CORO7: variants seen among roughly 807,000 people sequenced by gnomAD.
The protein encoded by CORO7 is coronin-7.
A neutral mutation model predicts 126.6 loss-of-function variants in CORO7; 107 were observed. The observed-to-expected ratio is 0.85, with a 90% CI of 0.72 to 0.99. The LOEUF is 0.99. CORO7 is among the 50% of genes least tolerant of loss of function. The pLI, the probability that CORO7 is intolerant of heterozygous loss-of-function variation, is 0.00. For synonymous variants in CORO7, 603 were observed against 536.8 expected (o/e 1.12, Z -1.70); for missense variants, 1,314 against 1,255.8 (o/e 1.05, Z -0.70).
chr16:4,364,139 T>A lies in CORO7; in HGVS notation c.1275+137A>T, dbSNP rs1205583378. On this transcript the variant is annotated intron_variant, in intron 14 of 27. Coordinates refer to ENST00000251166, the MANE Select transcript of CORO7 (RefSeq NM_024535.5). ...AAGAGGAGGTTGCAGTGAGCCGAGG[T>A]TGCGCCACTGCACTCTAGCTTGGGT... 8 of 1,209,274 alleles carry A rather than the reference T, an allele frequency of 6.6e-6. No individual in the cohort carries two copies. In the African/African-American group the frequency reaches 1.1e-4, roughly 17 times the overall value. The allele number at this position is 1,209,274 out of a possible 1,614,324, so 74.9% of individuals were successfully genotyped here. A position where few individuals can be genotyped will look rare whatever the true frequency, so the allele number is the denominator to read the frequency against.
intron 6 of CORO7, among the ~76,000 whole-genome samples, chr16:4,398,612 A>G (rs1463880037): frequency 7.4e-5 from 11 of 149,304 alleles, no homozygotes; most frequent in African/African-American, 2.7e-4. Context: ...GTTGCAGTGA[A>G]CCGAGATCAT....
chr16:4,405,368 G>T, intron 6 of CORO7, 123 bp downstream of exon 6: 3 of 1,084,718 alleles, frequency 2.8e-6, no homozygotes, highest in South Asian at 3.8e-5. Flanking sequence ...GCACACAGAT[G>T]ACCATCCTGA....
intron 9 of CORO7, chr16:4,382,971 A>G: frequency 7.1e-7 from 1 of 1,418,428 alleles, no homozygotes; most frequent in South Asian, 1.5e-5. Context: ...CTGCTGCCAC[A>G]CCACGTAAGT....
Position 4,384,977 on chromosome 16 carries a change from G to A in CORO7, c.785+3009C>T, listed in dbSNP as rs533903988. 3.4e-3 allele frequency among the ~76,000 whole-genome samples: 511 copies of A among 152,196 alleles called. 2 individuals are homozygous for A. Among genetic ancestry groups the A allele is most frequent in the Non-Finnish European group, 6.1e-3 (412 of 67,968 alleles). On this transcript the variant is annotated intron_variant, in intron 9 of 27. Transcript: ENST00000251166. ...TGGGATGGTGGCAGGGGGCAGTGGCGGGGGGGTGGCAGGGCCCAAAAAAAG... is the reference window on the plus strand; with the variant it reads ...TGGGATGGTGGCAGGGGGCAGTGGCAGGGGGGTGGCAGGGCCCAAAAAAAG...
chr16:4,388,151 G>T, intron 8 of CORO7, 83 bp from the exon 9 acceptor site: 6 of 1,529,830 alleles, frequency 3.9e-6, no homozygotes, highest in Non-Finnish European at 5.3e-6. Context: ...CAGCGCCTGA[G>T]GGTGCAGCCT....
chr16:4,404,356 T>A (rs1421985916), intron 6 of CORO7, among the ~76,000 whole-genome samples: 1 of 152,188 alleles, frequency 6.6e-6, no homozygotes, highest in Non-Finnish European at 1.5e-5. Context: ...GCCGCCTCCC[T>A]GGGGAAGCCC....
rs549661517 is a variant in CORO7, at chr16:4,380,773, G to A, written c.785+7213C>T. The A allele has an allele frequency of 5.0e-5, 65 of 1,309,010 alleles. No individual in the cohort carries two copies. In the African/African-American group the frequency reaches 8.8e-4, roughly 18 times the overall value. The allele number at this position is 1,309,010 out of a possible 1,614,324, so 81.1% of individuals were successfully genotyped here. A position where few individuals can be genotyped will look rare whatever the true frequency, so the allele number is the denominator to read the frequency against. On this transcript the variant is annotated intron_variant, in intron 9 of 27. Transcript: ENST00000251166. ...CCATTGGGTTCTCTTGCATTTGGGG[G>A]CAGAAGCAGTGAATTCCCTCTGGCT...
In CORO7 at chr16:4,361,788, G is replaced by C. The variant is rs951315834; in HGVS notation, c.1578+197C>G. 1.2e-5 allele frequency: 11 copies of C among 953,016 alleles called. No homozygotes were observed. The Admixed American group carries it at 2.2e-4, about 19-fold the overall frequency. The allele number at this position is 953,016 out of a possible 1,614,324, so 59.0% of individuals were successfully genotyped here. On this transcript the variant is annotated intron_variant, in intron 16 of 27. Transcript: ENST00000251166. ...CGGGCAGGTCACTAAACCTCTCTGT[G>C]CCTCTTCTCCCTCATCTGTAAAATG...
At position 4,413,302 on chromosome 16, in the gene CORO7, C is replaced by A; in HGVS notation, c.157+6G>T. 6.4e-7 allele frequency: 1 copy of A among 1,569,848 alleles called. No homozygotes were observed. The highest frequency in any genetic ancestry group is 1.3e-5 in the African/African-American group (1 of 74,216). On this transcript the variant is annotated splice_donor_region_variant and intron_variant, in intron 2 of 27. Transcript: ENST00000251166. ...GCAAATATCCACACTCATGGCCATT[C>A]CCTACCAGGACGGTCGGAGTTGAAG... is the stretch of plus-strand genomic sequence containing the variant.
At chr16:4,403,968 G>A (rs978583942) in intron 6 of CORO7, among the ~76,000 whole-genome samples, 10 of 152,276 alleles carry the variant, frequency 6.6e-5, no homozygotes, top group African/African-American at 1.9e-4. Context: ...GTCAAAGCAC[G>A]CATACCAGGT....
At chr16:4,398,962 C>T (rs2055702716) in intron 6 of CORO7, among the ~76,000 whole-genome samples, 2 of 144,322 alleles carry the variant, frequency 1.4e-5, no homozygotes, top group East Asian at 2.0e-4. Flanking sequence ...TGCGAGACTC[C>T]GTCTCAAAAA....
chr16:4,400,902 G>T (rs1266211390), intron 6 of CORO7, among the ~76,000 whole-genome samples: 1 of 151,982 alleles, frequency 6.6e-6, no homozygotes, highest in Non-Finnish European at 1.5e-5. Context: ...CAGACACTGG[G>T]GGAGGAGGTA....
intron 9 of CORO7, among the ~76,000 whole-genome samples, chr16:4,384,976 C>CG (rs1362211030): frequency 1.6e-5 from 2 of 127,214 alleles, no homozygotes; most frequent in Admixed American, 8.0e-5. Context: ...GGGGCAGTGG[C>CG]GGGGGGGTGG....
At position 4,357,131 on chromosome 16, in the gene CORO7, CTG is replaced by C. The variant is rs751428503; in HGVS notation, c.2685+35_2685+36del. 6.2e-6 allele frequency: 10 copies of C among 1,612,388 alleles called. No individual in the cohort carries two copies. The East Asian group carries it at 2.2e-4, about 36-fold the overall frequency. ...GCCGTGGCCAGGTGCAGCCAGGACT[CTG>C]TCACCTCCGCACAGCTGCTCTCTCC... On this transcript the variant is annotated intron_variant, in intron 26 of 27. Coordinates refer to ENST00000251166, the MANE Select transcript of CORO7 (RefSeq NM_024535.5).
intron 3 of CORO7, 93 bp from the exon 4 acceptor site, chr16:4,408,344 T>C (rs767529294): frequency 1.3e-6 from 2 of 1,562,004 alleles, no homozygotes; most frequent in Non-Finnish European, 1.8e-6. Flanking sequence ...CACTTTTGTG[T>C]GCACACAGAA....
At position 4,407,704 on chromosome 16, in the gene CORO7, C is replaced by T. The variant is rs762231239; in HGVS notation, c.304-20G>A. 5 of 1,563,330 alleles carry T rather than the reference C, an allele frequency of 3.2e-6. No individual in the cohort carries two copies. In the Admixed American group the frequency reaches 7.7e-5, roughly 24 times the overall value. On this transcript the variant is annotated intron_variant, in intron 4 of 27. Transcript: ENST00000251166. Reference sequence around the variant, plus strand: ...TTTTACCTGCAAGAAAGACCAAGTCCGTGAGCACAGGGCTGAGGGCCTCAC... The same window carrying T: ...TTTTACCTGCAAGAAAGACCAAGTCTGTGAGCACAGGGCTGAGGGCCTCAC...
At chr16:4,374,798 C>T (rs1007834311) in intron 9 of CORO7, among the ~76,000 whole-genome samples, 2 of 152,122 alleles carry the variant, frequency 1.3e-5, no homozygotes, top group Non-Finnish European at 2.9e-5. Flanking sequence ...GGGCAAGACC[C>T]CTTCCAGGGC....
At chr16:4,375,465 G>C (rs553216334) in intron 9 of CORO7, among the ~76,000 whole-genome samples, 312 of 152,284 alleles carry the variant, frequency 2.0e-3, no homozygotes, top group Non-Finnish European at 3.5e-3. Context: ...CCAAAATACA[G>C]CTCTGCCTGG....
rs770203814 is a variant in CORO7 at position 4,361,149 on chromosome 16, G to A, written c.1774+13C>T. The A allele has an allele frequency of 1.2e-6, 2 of 1,613,254 alleles. No individual in the cohort carries two copies. The highest frequency in any genetic ancestry group is 1.3e-5 in the African/African-American group (1 of 75,066). ...CACTGGCCACCCCAGCCCCATTCCT[G>A]AGCCTGCCTGACCTGTGAGCACAGT... is the stretch of plus-strand genomic sequence containing the variant. On this transcript the variant is annotated intron_variant, in intron 18 of 27. Coordinates refer to ENST00000251166, the MANE Select transcript of CORO7 (RefSeq NM_024535.5).
Sources: allele counts gnomAD v4.1 joint callset (sites outside exome capture counted in the v4.1 genomes callset), GRCh38; gene constraint gnomAD v4.1.1; transcripts MANE v1.5; gene names NCBI Gene and HGNC (gene_info 2026-07-23, HGNC 2026-07-21).